The following DOCK5 variants were observed in gnomAD, a reference collection of about 807,000 sequenced individuals.
DOCK5 encodes dedicator of cytokinesis 5, also known as dedicator of cytokinesis protein 5.
Under a neutral mutation model 251.8 loss-of-function variants are expected in DOCK5, and 142 were observed. The ratio of observed to expected loss-of-function variants is 0.56; its 90% CI spans 0.49 to 0.65. DOCK5 has a LOEUF of 0.65. Among genes scored for constraint, DOCK5 ranks in the 30% least tolerant of loss-of-function variants. The probability of loss-of-function intolerance (pLI) is 0.00; values close to 1 mark genes in which losing one functional copy is unlikely to be tolerated. For synonymous variants in DOCK5, 842 were observed against 835.5 expected (o/e 1.01, Z -0.13); for missense variants, 2,111 against 2,312.3 (o/e 0.91, Z 1.79).
chr8:25,300,417 G>A (rs1234594897), intron 8 of DOCK5, among the ~76,000 whole-genome samples, 159 bp from the exon 9 acceptor site: 1 of 152,158 alleles, frequency 6.6e-6, no homozygotes, highest in Non-Finnish European at 1.5e-5. Flanking sequence ...CCATCTGTGT[G>A]GTCCCAGTTC....
chr8:25,326,877 A>G (rs768985770), intron 18 of DOCK5, among the ~76,000 whole-genome samples: 2 of 152,246 alleles, frequency 1.3e-5, no homozygotes, highest in Non-Finnish European at 2.9e-5. Flanking sequence ...TAATTAAGTG[A>G]TGAAATATAT....
rs10866842 is a variant in DOCK5 at position 25,411,761 on chromosome 8, G to T, written c.*463G>T. The T allele has an allele frequency of 0.89, 137,041 of 153,654 alleles. 63,126 individuals are homozygous for T. The highest frequency in any genetic ancestry group is 1 in the East Asian group (5,202 of 5,202). 9.5% of individuals were successfully genotyped at this position (153,654 alleles called of 1,614,324 possible). On this transcript the variant is annotated 3_prime_UTR_variant, in exon 52 of 52. Coordinates refer to ENST00000276440, the MANE Select transcript of DOCK5 (RefSeq NM_024940.8). Reference sequence around the variant, plus strand: ...CTGATCCCATCCCATATTGCATCTTGGAAGAGATGGATATCAAGTACACTT... The same window carrying T: ...CTGATCCCATCCCATATTGCATCTTTGAAGAGATGGATATCAAGTACACTT...
At chr8:25,258,714 C>T (rs1803488495) in intron 2 of DOCK5, among the ~76,000 whole-genome samples, 1 of 152,148 alleles carries the variant, frequency 6.6e-6, no homozygotes, top group African/African-American at 2.4e-5. Flanking sequence ...CTATACCTAG[C>T]CAGTGGCTCA....
intron 22 of DOCK5, among the ~76,000 whole-genome samples, chr8:25,337,446 C>T (rs1230443215): frequency 6.6e-6 from 1 of 151,214 alleles, no homozygotes; most frequent in Non-Finnish European, 1.5e-5. Context: ...CACATTTGTC[C>T]AGTAATACCT....
intron 11 of DOCK5, chr8:25,305,029 G>T (rs551260742): frequency 2.4e-4 from 36 of 152,440 alleles, no homozygotes; most frequent in African/African-American, 8.4e-4. Context: ...CTCTGAAGAA[G>T]TGCAGGTGTG....
chr8:25,227,961 T>C (rs1802572192), intron 1 of DOCK5, among the ~76,000 whole-genome samples: 2 of 152,154 alleles, frequency 1.3e-5, no homozygotes, highest in Non-Finnish European at 2.9e-5. Context: ...CATGGCCTAC[T>C]GCAGCCTCCA....
At chr8:25,280,976 T>C (rs188892684) in intron 5 of DOCK5, among the ~76,000 whole-genome samples, 23 of 152,032 alleles carry the variant, frequency 1.5e-4, no homozygotes, top group African/African-American at 5.6e-4. Flanking sequence ...AAAGGAGTTT[T>C]TTTTTTTTTT....
At chr8:25,332,569 A>G (rs1014405274) in intron 19 of DOCK5, 34 bp from the exon 20 acceptor site, 3 of 1,556,406 alleles carry the variant, frequency 1.9e-6, no homozygotes, top group East Asian at 2.3e-5. Flanking sequence ...GAATGAAAGC[A>G]TCAAAATAAC....
chr8:25,232,786 G>T (rs1332967085), intron 1 of DOCK5, among the ~76,000 whole-genome samples: 3 of 152,138 alleles, frequency 2.0e-5, no homozygotes. Context: ...CAAACATTCA[G>T]TCTGTAACAC....
At position 25,258,653 on chromosome 8, in the gene DOCK5, G is replaced by T. The variant is rs138071186; in HGVS notation, c.128-10192G>T. On this transcript the variant is annotated intron_variant, in intron 2 of 51. Transcript: ENST00000276440. ...GGGTCACTCAGACCCTGCTATCCAAGTGTGTCTTGTGGGTGCAGGTTTCAT... is the reference window on the plus strand; with the variant it reads ...GGGTCACTCAGACCCTGCTATCCAATTGTGTCTTGTGGGTGCAGGTTTCAT... Among the ~76,000 whole-genome samples the T allele has an allele frequency of 2.6e-3, 394 of 152,306 alleles. 3 individuals are homozygous for T. The highest frequency in any genetic ancestry group is 9.0e-3 in the African/African-American group (375 of 41,574).
At chr8:25,297,640 C>T (rs185949038) in intron 7 of DOCK5, among the ~76,000 whole-genome samples, 21 of 152,230 alleles carry the variant, frequency 1.4e-4, no homozygotes, top group Admixed American at 7.2e-4. Flanking sequence ...CCACCCTCCT[C>T]GGCCTCCTGA....
intron 49 of DOCK5, among the ~76,000 whole-genome samples, chr8:25,408,530 T>G (rs1352156415): frequency 6.6e-6 from 1 of 152,198 alleles, no homozygotes; most frequent in Non-Finnish European, 1.5e-5. Flanking sequence ...CACCTTTTCC[T>G]GAGAATCAGG....
intron 39 of DOCK5, among the ~76,000 whole-genome samples, chr8:25,382,419 CAGA>C (rs1311210872): frequency 6.6e-6 from 1 of 152,196 alleles, no homozygotes; most frequent in Admixed American, 6.5e-5. Context: ...CCCCGTTACG[CAGA>C]AGAATTCCAA....
chr8:25,384,455 A>ATTT (rs1294643896), intron 40 of DOCK5, among the ~76,000 whole-genome samples: 4 of 45,210 alleles, frequency 8.8e-5, no homozygotes, highest in Non-Finnish European at 1.3e-4. Flanking sequence ...TTATTTATTT[A>ATTT]TTTATTTATT....
intron 1 of DOCK5, among the ~76,000 whole-genome samples, chr8:25,226,686 C>A (rs1000288510): frequency 1.3e-5 from 2 of 149,974 alleles, no homozygotes; most frequent in Non-Finnish European, 3.0e-5. Context: ...CCTGGGTTCA[C>A]GCCACTCTCC....
intron 5 of DOCK5, among the ~76,000 whole-genome samples, chr8:25,280,667 G>T (rs1804166485): frequency 6.6e-6 from 1 of 152,140 alleles, no homozygotes; most frequent in African/African-American, 2.4e-5. Context: ...GACCCTTGGG[G>T]CACACTGCTT....
At chr8:25,333,427 C>G (rs2464999) in intron 20 of DOCK5, among the ~76,000 whole-genome samples, 148,099 of 152,300 alleles carry the variant, frequency 0.97, 72,140 homozygotes, top group Middle Eastern at 1. Context: ...AGGCCACCTA[C>G]TTGAGATCCA....
Position 25,411,342 on chromosome 8 carries a change from T to C in DOCK5, c.*44T>C. 7.1e-7 allele frequency: 1 copy of C among 1,402,134 alleles called. No homozygotes were observed. The highest frequency in any genetic ancestry group is 9.3e-7 in the Non-Finnish European group (1 of 1,074,552). 86.9% of individuals were successfully genotyped at this position (1,402,134 alleles called of 1,614,324 possible). A position where few individuals can be genotyped will look rare whatever the true frequency, so the allele number is the denominator to read the frequency against. ...AACACCGAGTGCCTTAGACAGCTGC[T>C]GCCTGAGAACTGGCCTCCAGCCGGT... On this transcript the variant is annotated 3_prime_UTR_variant, in exon 52 of 52. Coordinates refer to ENST00000276440, the MANE Select transcript of DOCK5 (RefSeq NM_024940.8).
intron 21 of DOCK5, 55 bp from the exon 22 acceptor site, chr8:25,336,184 G>C: frequency 1.9e-6 from 3 of 1,569,222 alleles, no homozygotes; most frequent in South Asian, 2.3e-5. Context: ...ACTTACCCAA[G>C]CCTCAGAGTA....
Sources: allele counts gnomAD v4.1 joint callset (sites outside exome capture counted in the v4.1 genomes callset), GRCh38; gene constraint gnomAD v4.1.1; transcripts MANE v1.5; gene names NCBI Gene and HGNC (gene_info 2026-07-23, HGNC 2026-07-21).